The following SLIT1 variants were observed in gnomAD, a reference collection of about 807,000 sequenced individuals.
SLIT1 encodes the protein slit guidance ligand 1.
In SLIT1, 66 loss-of-function variants were observed where a neutral mutation model predicts 186.1. The observed-to-expected ratio is 0.35, with a 90% CI of 0.29 to 0.44. The LOEUF is 0.44. Ranked by LOEUF, SLIT1 falls within the 20% of genes least tolerant of loss-of-function variation. SLIT1 has a pLI of 1.00. For synonymous variants in SLIT1, 761 were observed against 833.8 expected, an observed-to-expected ratio of 0.91 and a Z score of 1.50; for missense variants, 1,638 against 2,037.4, an observed-to-expected ratio of 0.80 and a Z score of 3.77.
At chr10:97,096,179 G>C (rs1220899084) in intron 4 of SLIT1, among the ~76,000 whole-genome samples, 1 of 152,148 alleles carries the variant, frequency 6.6e-6, no homozygotes, top group Non-Finnish European at 1.5e-5. Context: ...AGCCAGCTGC[G>C]GCCCGAGCTT....
At chr10:97,174,588 G>A (rs1446774446) in intron 1 of SLIT1, among the ~76,000 whole-genome samples, 2 of 152,218 alleles carry the variant, frequency 1.3e-5, no homozygotes, top group Non-Finnish European at 2.9e-5. Context: ...ATTTGCTGCC[G>A]ATCCACTCCA....
In SLIT1 at chr10:97,158,009, C is replaced by T. The variant is rs144535274; in HGVS notation, c.342-120G>A. The T allele has an allele frequency of 8.5e-4, 645 of 755,892 alleles. 2 individuals carry two copies. In the African/African-American group the frequency reaches 9.8e-3, roughly 12 times the overall value. The allele number at this position is 755,892 out of a possible 1,614,324, so 46.8% of individuals were successfully genotyped here. A position where few individuals can be genotyped will look rare whatever the true frequency, so the allele number is the denominator to read the frequency against. On this transcript the variant is annotated intron_variant, in intron 3 of 36. Coordinates refer to ENST00000266058, the MANE Select transcript of SLIT1 (RefSeq NM_003061.3). ...CCAGTATTCAAATCCTAACAGGGTC[C>T]ATGTGGCATCCCAGGGAAATTACCT...
intron 8 of SLIT1, among the ~76,000 whole-genome samples, chr10:97,063,070 C>T (rs148961957): frequency 1.4e-4 from 22 of 152,062 alleles, no homozygotes; most frequent in African/African-American, 3.4e-4. Flanking sequence ...CAGAGGACAT[C>T]GGAGGAGGCA....
intron 9 of SLIT1, 146 bp downstream of exon 9, chr10:97,060,494 C>T (rs1848883195): frequency 9.7e-7 from 1 of 1,035,934 alleles, no homozygotes; most frequent in South Asian, 1.6e-5. Context: ...AAGCTCAGCC[C>T]AGCAGAGGCA....
intron 22 of SLIT1, among the ~76,000 whole-genome samples, chr10:97,036,725 T>A: frequency 6.6e-6 from 1 of 152,224 alleles, no homozygotes; most frequent in East Asian, 1.9e-4. Flanking sequence ...GGTGGAATGT[T>A]CTCTGGACTT....
chr10:97,151,450 G>C (rs1248752227), intron 4 of SLIT1, among the ~76,000 whole-genome samples: 1 of 151,678 alleles, frequency 6.6e-6, no homozygotes, highest in Non-Finnish European at 1.5e-5. Flanking sequence ...GATGGGAGGA[G>C]ATGGGGGATG....
chr10:97,002,736 G>C lies in SLIT1; in HGVS notation c.4122C>G (p.Asp1374Glu). ...CEAGWVGLHC[D>E]QPADGPCHGH... Reference sequence around the variant, plus strand: ...CATGGCAGGGGCCGTCAGCGGGCTGGTCACAGTGCAGGCCCACCCAGCCAG... The same window carrying C: ...CATGGCAGGGGCCGTCAGCGGGCTGCTCACAGTGCAGGCCCACCCAGCCAG... The change falls in exon 35 of 37, where the codon GAC (aspartate) becomes GAG (glutamate). Residue 1374 changes from aspartate to glutamate, a missense_variant. By Grantham distance (45) the Asp-to-Glu change is conservative (BLOSUM62 2). Coordinates refer to ENST00000266058, the MANE Select transcript of SLIT1 (RefSeq NM_003061.3). The C allele has an allele frequency of 1.3e-6, 2 of 1,597,238 alleles. No individual in the cohort carries two copies. The highest frequency in any genetic ancestry group is 2.2e-5 in the South Asian group (2 of 90,116).
intron 5 of SLIT1, chr10:97,065,366 C>T (rs1848935289): frequency 6.5e-6 from 1 of 153,922 alleles, no homozygotes; most frequent in South Asian, 2.0e-4. Flanking sequence ...GACTGATTAT[C>T]AATGTGTGCC....
At chr10:97,047,620 C>G in intron 16 of SLIT1, 70 bp downstream of exon 16, 2 of 1,489,404 alleles carry the variant, frequency 1.3e-6, no homozygotes, top group Non-Finnish European at 1.9e-6. Context: ...CAAGAAAATC[C>G]TGGAGTAGGC....
At chr10:97,062,852 C>T (rs1848905857) in intron 8 of SLIT1, among the ~76,000 whole-genome samples, 2 of 152,208 alleles carry the variant, frequency 1.3e-5, no homozygotes, top group African/African-American at 4.8e-5. Context: ...GGTCTTCTGG[C>T]TGTAGTATAA....
intron 28 of SLIT1, among the ~76,000 whole-genome samples, chr10:97,016,926 ACAGGGT>A (rs1211846370): frequency 6.6e-6 from 1 of 152,178 alleles, no homozygotes; most frequent in Non-Finnish European, 1.5e-5. Context: ...AGCTGGGGTG[ACAGGGT>A]CAGTTTCACA....
chr10:97,086,407 TAAAA>T (rs77306001), intron 4 of SLIT1, among the ~76,000 whole-genome samples: 1 of 143,476 alleles, frequency 7.0e-6, no homozygotes, highest in Non-Finnish European at 1.5e-5. Context: ...CTGTCTCTAC[TAAAA>T]AAAAAAAAAT....
intron 4 of SLIT1, among the ~76,000 whole-genome samples, chr10:97,100,956 G>A (rs192046357): frequency 1.2e-4 from 18 of 152,214 alleles, no homozygotes; most frequent in African/African-American, 3.9e-4. Context: ...GGGCCCCATG[G>A]GTATAGTCTG....
chr10:97,112,641 T>A (rs1416325517), intron 4 of SLIT1, among the ~76,000 whole-genome samples: 1 of 152,236 alleles, frequency 6.6e-6, no homozygotes, highest in South Asian at 2.1e-4. Flanking sequence ...CAAAACCACA[T>A]AATCTGTAAC....
At chr10:97,165,792 C>T (rs1214022669) in intron 1 of SLIT1, among the ~76,000 whole-genome samples, 2 of 152,092 alleles carry the variant, frequency 1.3e-5, no homozygotes, top group Non-Finnish European at 2.9e-5. Flanking sequence ...GGTCCTGGGG[C>T]CAGGCCTACA....
intron 1 of SLIT1, among the ~76,000 whole-genome samples, chr10:97,180,169 A>G (rs1224831420): frequency 1.3e-5 from 2 of 152,218 alleles, no homozygotes; most frequent in African/African-American, 4.8e-5. Context: ...GAGGAGGGCC[A>G]CCCTGGGATC....
Position 97,043,255 on chromosome 10 carries a change from A to G in SLIT1, c.1997+115T>C, listed in dbSNP as rs1031946486. On this transcript the variant is annotated intron_variant, in intron 19 of 36. Transcript: ENST00000266058. The surrounding 1 kb of genome is among the most constrained non-coding windows in gnomAD (Gnocchi z 7.0). ...CTTCGAAATGTGGAACCCACGTTTCAGCAAACCACGAAGACCCAGCACCCC... is the reference window on the plus strand; with the variant it reads ...CTTCGAAATGTGGAACCCACGTTTCGGCAAACCACGAAGACCCAGCACCCC... 18 of 1,425,756 alleles carry G rather than the reference A, an allele frequency of 1.3e-5. No homozygotes were observed. In the African/African-American group the frequency reaches 2.5e-4, roughly 20 times the overall value. 88.3% of individuals were successfully genotyped at this position (1,425,756 alleles called of 1,614,324 possible).
intron 18 of SLIT1, among the ~76,000 whole-genome samples, chr10:97,044,613 TATAATA>T (rs530617862): frequency 4.2e-4 from 64 of 151,894 alleles, no homozygotes; most frequent in East Asian, 2.9e-3. Context: ...GAATGAAAAA[TATAATA>T]ATAATAATAA....
intron 6 of SLIT1, among the ~76,000 whole-genome samples, 167 bp from the exon 7 acceptor site, chr10:97,064,406 G>A (rs772361883): frequency 4.6e-5 from 7 of 152,196 alleles, no homozygotes; most frequent in Non-Finnish European, 8.8e-5. Flanking sequence ...CACCCCACAG[G>A]AAAGCCCTGA....
Sources: gnomAD v4.1 joint callset for allele counts (sites outside exome capture counted in the v4.1 genomes callset) on GRCh38, gnomAD v4.1.1 for gene constraint, Gnocchi (gnomAD v3.1) non-coding constraint, MANE v1.5 for transcripts, NCBI Gene and HGNC (gene_info 2026-07-23, HGNC 2026-07-21) for gene names.